The following DNAAF11 variants were observed in gnomAD, a reference collection of about 807,000 sequenced individuals.
DNAAF11 encodes leucine rich repeat containing 6.
Under a neutral mutation model 60.8 loss-of-function variants are expected in DNAAF11, and 45 were observed. The ratio of observed to expected loss-of-function variants is 0.74; its 90% confidence interval spans 0.58 to 0.95. DNAAF11 has a LOEUF of 0.95. Ranked by LOEUF, DNAAF11 falls within the 40% of genes least tolerant of loss-of-function variation. The pLI is 0.00. For missense variants in DNAAF11, 546 were observed against 546.2 expected (o/e 1.00, Z 0.00); for synonymous variants, 191 against 183.5 (o/e 1.04, Z -0.33).
At chr8:132,581,661 C>CAAA (rs59380140) in intron 11 of DNAAF11, among the ~76,000 whole-genome samples, 322 of 81,760 alleles carry the variant, frequency 3.9e-3, no homozygotes, top group East Asian at 5.9e-3. Context: ...GACTCTGCCT[C>CAAA]AAAAAAAAAA....
At chr8:132,692,365 A>T in the DNAAF11 span, among the ~76,000 whole-genome samples, 4 of 152,324 alleles carry the variant, frequency 2.6e-5, no homozygotes, top group East Asian at 5.8e-4. Context: ...TTAGTCATTC[A>T]ATTCCCCTGC....
chr8:132,667,539 T>A (rs960048266), intron 1 of DNAAF11, among the ~76,000 whole-genome samples: 10 of 152,196 alleles, frequency 6.6e-5, no homozygotes, highest in African/African-American at 2.4e-4. Flanking sequence ...CAAGGCACAA[T>A]ATAAAACATA....
At chr8:132,593,041 A>C (rs1479161328) in intron 10 of DNAAF11, among the ~76,000 whole-genome samples, 3 of 152,116 alleles carry the variant, frequency 2.0e-5, no homozygotes, top group African/African-American at 7.2e-5. Context: ...GAGTTCAGTA[A>C]GAAACACAAA....
Position 132,632,748 on chromosome 8 carries a change from A to G in DNAAF11, c.645T>C (p.Asn215=), listed in dbSNP as rs774194116. 6 of 1,605,046 alleles carry G rather than the reference A, an allele frequency of 3.7e-6. No individual in the cohort carries two copies. In the Admixed American group the frequency reaches 8.3e-5, roughly 22 times the overall value. ...ACTAATAATTTACATACAGAGTAGCATTGATGTCTGTGTACCAACGTCCAT... is the reference window on the plus strand; with the variant it reads ...ACTAATAATTTACATACAGAGTAGCGTTGATGTCTGTGTACCAACGTCCAT... The part of the protein sequence containing the change: ...GFDGRWYTDI[N]ATLSSLESKD... Residue 215 remains asparagine (N), a synonymous_variant, in exon 5 of 12, where the codon AAT becomes AAC. Transcript: ENST00000620350.
chr8:132,649,577 G>C (rs1241437327), intron 3 of DNAAF11, among the ~76,000 whole-genome samples: 2 of 152,204 alleles, frequency 1.3e-5, no homozygotes, highest in Admixed American at 6.5e-5. Flanking sequence ...AGAGTGAACA[G>C]GCAACCTACA....
rs112688311 is a variant in DNAAF11, at chr8:132,638,216, T to G, written c.257-109A>C. ...AGTAACAGTTGTAGTATTTTCAGTC[T>G]GCTGATTTATTGCATTGCTCACCAT... On this transcript the variant is annotated intron_variant, in intron 3 of 11. Coordinates refer to ENST00000620350, the MANE Select transcript of DNAAF11 (RefSeq NM_012472.6). 762 of 782,100 alleles carry G rather than the reference T, an allele frequency of 9.7e-4. 6 individuals are homozygous for G. In the African/African-American group the frequency reaches 0.011, roughly 12 times the overall value. 48.4% of individuals were successfully genotyped at this position (782,100 alleles called of 1,614,324 possible).
At chr8:132,671,922 G>GA (rs142196837) in intron 1 of DNAAF11, among the ~76,000 whole-genome samples, 8 of 151,014 alleles carry the variant, frequency 5.3e-5, no homozygotes, top group Non-Finnish European at 8.9e-5. Flanking sequence ...AAATTTCTAG[G>GA]AAAAAAAAGA....
chr8:132,605,481 C>A (rs1015956438), intron 10 of DNAAF11, among the ~76,000 whole-genome samples: 1 of 152,136 alleles, frequency 6.6e-6, no homozygotes, highest in Non-Finnish European at 1.5e-5. Context: ...TTTAAAGATA[C>A]ATTTAAGGTA....
chr8:132,600,009 T>C (rs1257468743), intron 10 of DNAAF11, among the ~76,000 whole-genome samples: 1 of 152,202 alleles, frequency 6.6e-6, no homozygotes, highest in Non-Finnish European at 1.5e-5. Flanking sequence ...AACATGATTG[T>C]ATATTTAGAA....
At chr8:132,574,251 G>C (rs1160317880) in intron 11 of DNAAF11, among the ~76,000 whole-genome samples, 2 of 152,228 alleles carry the variant, frequency 1.3e-5, no homozygotes, top group African/African-American at 4.8e-5. Context: ...TGGCAGGCCA[G>C]AGATGACTAT....
chr8:132,673,278 G>A (rs1825365853), intron 1 of DNAAF11, among the ~76,000 whole-genome samples: 1 of 152,154 alleles, frequency 6.6e-6, no homozygotes, highest in South Asian at 2.1e-4. Context: ...AAATAGAGAT[G>A]TCAGTAATCC....
chr8:132,647,453 A>T (rs900066372), intron 3 of DNAAF11, among the ~76,000 whole-genome samples: 1 of 152,252 alleles, frequency 6.6e-6, no homozygotes, highest in East Asian at 1.9e-4. Flanking sequence ...CACAATTAAA[A>T]GAACTAGAGA....
intron 3 of DNAAF11, among the ~76,000 whole-genome samples, chr8:132,653,459 A>G (rs893670868): frequency 8.5e-5 from 13 of 152,270 alleles, no homozygotes; most frequent in African/African-American, 2.9e-4. Context: ...AATAGGAACA[A>G]TTACTAAAGG....
chr8:132,695,747 T>G, the DNAAF11 span, among the ~76,000 whole-genome samples: 3 of 152,104 alleles, frequency 2.0e-5, no homozygotes, highest in African/African-American at 7.2e-5. Flanking sequence ...CGGATGTGTG[T>G]TTTTTTCACA....
chr8:132,666,208 A>C (rs1191042532), intron 1 of DNAAF11, among the ~76,000 whole-genome samples: 1 of 152,194 alleles, frequency 6.6e-6, no homozygotes, highest in African/African-American at 2.4e-5. Flanking sequence ...CAATATACCC[A>C]TGTAACAAAC....
At chr8:132,583,818 C>A in intron 10 of DNAAF11, 39 bp from the exon 11 acceptor site, 1 of 1,320,092 alleles carries the variant, frequency 7.6e-7, no homozygotes, top group Non-Finnish European at 1.1e-6. Context: ...TGGTGCATTA[C>A]TCCTTGATGT....
At chr8:132,698,283 CG>C in the DNAAF11 span, among the ~76,000 whole-genome samples, 3 of 152,152 alleles carry the variant, frequency 2.0e-5, no homozygotes, top group African/African-American at 7.2e-5. Context: ...TTTGTGCTAA[CG>C]AGAAACCTGA....
intron 3 of DNAAF11, among the ~76,000 whole-genome samples, chr8:132,644,663 A>C (rs1379519302): frequency 6.6e-6 from 1 of 152,170 alleles, no homozygotes; most frequent in East Asian, 1.9e-4. Flanking sequence ...CAGTCTTAGC[A>C]AACAGCACAC....
Position 132,638,251 on chromosome 8 carries a change from C to A in DNAAF11, c.257-144G>T. On this transcript the variant is annotated intron_variant, in intron 3 of 11. Coordinates refer to ENST00000620350, the MANE Select transcript of DNAAF11 (RefSeq NM_012472.6). Reference sequence around the variant, plus strand: ...TTGCATTGCTCACCATGAAGTGATTCTTCAGAAATATCAACTCAAAGGCTT... The same window carrying A: ...TTGCATTGCTCACCATGAAGTGATTATTCAGAAATATCAACTCAAAGGCTT... The A allele has an allele frequency of 1.3e-5, 8 of 621,736 alleles. No individual in the cohort carries two copies. The East Asian group carries it at 2.2e-4, about 17-fold the overall frequency. 38.5% of individuals were successfully genotyped at this position (621,736 alleles called of 1,614,324 possible).
Sources: allele counts gnomAD v4.1 joint callset (sites outside exome capture counted in the v4.1 genomes callset), GRCh38; gene constraint gnomAD v4.1.1; transcripts MANE v1.5; gene names NCBI Gene and HGNC (gene_info 2026-07-23, HGNC 2026-07-21).